Variants in MTBP observed in about 807,000 individuals in gnomAD.
The protein encoded by MTBP is mdm2-binding protein.
A neutral mutation model predicts 117.0 loss-of-function variants in MTBP; 101 were observed. The observed-to-expected ratio is 0.86, with a 90% CI of 0.73 to 1.02. The LOEUF is 1.02. MTBP is among the 50% of genes least tolerant of loss of function. The pLI is 0.00. For synonymous variants in MTBP, 350 were observed against 351.5 expected (o/e 1.00, Z 0.05); for missense variants, 970 against 1,030.9 (o/e 0.94, Z 0.81).
rs370593360 is a variant in MTBP, at chr8:120,461,190, A to C, written c.912A>C (p.Glu304Asp). 1 of 1,603,150 alleles carries C rather than the reference A, an allele frequency of 6.2e-7. No individual in the cohort carries two copies. Among genetic ancestry groups the C allele is most frequent in the Non-Finnish European group, 8.5e-7 (1 of 1,171,400 alleles). The stretch of plus-strand genomic sequence containing the variant: ...TCCATTATTATGGCCCTGCTTTAGA[A>C]TTTGTGCAGATGATAAAATTATCAG... ...KVFHYYGPALEFVQMIKLSDL... is the reference protein window; with the variant it reads ...KVFHYYGPALDFVQMIKLSDL... The change falls in exon 9 of 22, where the codon GAA becomes GAC. Residue 304 changes from glutamate to aspartate, a missense_variant. Transcript: ENST00000305949.
chr8:120,463,163 TAAA>T, intron 9 of MTBP, among the ~76,000 whole-genome samples: 1 of 152,244 alleles, frequency 6.6e-6, no homozygotes, highest in Non-Finnish European at 1.5e-5. Context: ...TTTATAAACT[TAAA>T]AAATGTTTAA....
rs1222551499 is a variant in MTBP, at chr8:120,506,793, A to T, written c.1815A>T (p.Glu605Asp). ...RDSITLLDAK[E>D]LLKYFTSDGL... ...CAATCACATTGTTGGATGCTAAAGA[A>T]TTGCTGAAGTACTTTACCTCAGATG... The change falls in exon 16 of 22, where the codon GAA becomes GAT. Residue 605 changes from glutamate to aspartate, a missense_variant. Glu to Asp is a conservative substitution (Grantham distance 45, BLOSUM62 2). Transcript: ENST00000305949. 1 of 1,613,638 alleles carries T rather than the reference A, an allele frequency of 6.2e-7. No individual in the cohort carries two copies. Among genetic ancestry groups the T allele is most frequent in the African/African-American group, 1.3e-5 (1 of 75,032 alleles).
intron 7 of MTBP, among the ~76,000 whole-genome samples, chr8:120,457,463 T>G (rs1813492864): frequency 6.6e-6 from 1 of 152,198 alleles, no homozygotes; most frequent in Non-Finnish European, 1.5e-5. Context: ...GAAATTTTTC[T>G]TCCTTTTTAA....
chr8:120,496,012 A>C (rs1349973566), intron 13 of MTBP, among the ~76,000 whole-genome samples: 1 of 152,180 alleles, frequency 6.6e-6, no homozygotes, highest in African/African-American at 2.4e-5. Flanking sequence ...AAATATACAG[A>C]TGGAGAGAAA....
intron 14 of MTBP, among the ~76,000 whole-genome samples, chr8:120,500,792 C>T (rs1471181793): frequency 2.0e-5 from 3 of 151,904 alleles, no homozygotes; most frequent in Admixed American, 6.6e-5. Context: ...CGTGGTGGCT[C>T]ACGCCTATAA....
At chr8:120,479,370 A>G (rs1814022205) in intron 11 of MTBP, among the ~76,000 whole-genome samples, 3 of 152,344 alleles carry the variant, frequency 2.0e-5, no homozygotes, top group African/African-American at 7.2e-5. Flanking sequence ...AAGGACTGAT[A>G]GGATTTTGAA....
At chr8:120,517,160 G>T (rs1351681398) in intron 18 of MTBP, among the ~76,000 whole-genome samples, 1 of 151,948 alleles carries the variant, frequency 6.6e-6, no homozygotes, top group Middle Eastern at 3.2e-3. Flanking sequence ...TTTGGGCCTT[G>T]TCAGGAACAA....
At chr8:120,469,635 C>T (rs1273733617) in intron 10 of MTBP, among the ~76,000 whole-genome samples, 1 of 152,106 alleles carries the variant, frequency 6.6e-6, no homozygotes, top group Non-Finnish European at 1.5e-5. Context: ...ATTTTGAACT[C>T]GAATAAGAAA....
intron 6 of MTBP, 43 bp from the exon 7 acceptor site, chr8:120,456,510 A>C: frequency 8.3e-7 from 1 of 1,208,358 alleles, no homozygotes; most frequent in Non-Finnish European, 1.2e-6. Flanking sequence ...AATCAGTGAA[A>C]TATAAAACCC....
intron 13 of MTBP, among the ~76,000 whole-genome samples, chr8:120,492,975 A>G (rs1028501311): frequency 6.6e-6 from 1 of 152,220 alleles, no homozygotes; most frequent in African/African-American, 2.4e-5. Flanking sequence ...CAATTTTTAA[A>G]TAAAAGACTG....
chr8:120,516,441 C>T (rs919662313), intron 18 of MTBP, among the ~76,000 whole-genome samples: 6 of 151,964 alleles, frequency 3.9e-5, no homozygotes, highest in Admixed American at 3.9e-4. Flanking sequence ...AGCCATGGAA[C>T]AGTGGAGATT....
chr8:120,503,336 A>G (rs1276683293), intron 15 of MTBP, among the ~76,000 whole-genome samples: 1 of 152,330 alleles, frequency 6.6e-6, no homozygotes, highest in South Asian at 2.1e-4. Context: ...CTTAGCTTTT[A>G]ATGACAGCAG....
At chr8:120,513,940 T>G (rs1328219573) in intron 17 of MTBP, among the ~76,000 whole-genome samples, 1 of 151,878 alleles carries the variant, frequency 6.6e-6, no homozygotes, top group African/African-American at 2.4e-5. Flanking sequence ...AAGACCTAGG[T>G]TCTACTCCCT....
chr8:120,505,596 A>G (rs1195035004), intron 15 of MTBP, among the ~76,000 whole-genome samples: 9 of 152,230 alleles, frequency 5.9e-5, no homozygotes, highest in Admixed American at 5.9e-4. Context: ...CAACATTTTA[A>G]TCATGTAATT....
chr8:120,509,935 G>GAA lies in MTBP; in HGVS notation c.1888_1889dup (p.Thr631ArgfsTer5). 6.2e-7 allele frequency: 1 copy of GAA among 1,604,802 alleles called. No homozygotes were observed. The highest frequency in any genetic ancestry group is 8.5e-7 in the Non-Finnish European group (1 of 1,176,250). Reference sequence around the variant, plus strand: ...CAAATGAAAAATTTTTTGTTTCAGGGAAAAGACTTTTGTTTTGACACCAGA... The same window carrying GAA: ...CAAATGAAAAATTTTTTGTTTCAGGGAAAAAAGACTTTTGTTTTGACACCAGA... On this transcript the variant is annotated frameshift_variant and splice_region_variant, in exon 17 of 22. Coordinates refer to ENST00000305949, the MANE Select transcript of MTBP (RefSeq NM_022045.5). LOFTEE classifies it high-confidence loss of function.
chr8:120,501,432 C>T (rs1586965684), intron 14 of MTBP, among the ~76,000 whole-genome samples: 1 of 150,320 alleles, frequency 6.7e-6, no homozygotes. Flanking sequence ...ACCTGTAATC[C>T]CAGCTACTTG....
intron 14 of MTBP, among the ~76,000 whole-genome samples, chr8:120,499,958 T>A (rs1467728308): frequency 1.3e-5 from 2 of 152,210 alleles, no homozygotes; most frequent in Non-Finnish European, 2.9e-5. Flanking sequence ...TTAAAAAGGA[T>A]CTTCTGGCAT....
chr8:120,460,399 T>A (rs1031338587), intron 8 of MTBP, among the ~76,000 whole-genome samples: 1 of 152,154 alleles, frequency 6.6e-6, no homozygotes, highest in Non-Finnish European at 1.5e-5. Context: ...ACACATATGT[T>A]TATGATTATA....
Position 120,497,542 on chromosome 8 carries a change from A to C in MTBP, c.1597A>C (p.Asn533His). ...LRKMDKIKTF[N>H]ILNDFSPVEP... ...AAAGATGGACAAAATTAAAACCTTCAATATATTAAATGGTAAGTTTTTTAT... is the reference window on the plus strand; with the variant it reads ...AAAGATGGACAAAATTAAAACCTTCCATATATTAAATGGTAAGTTTTTTAT... Residue 533 changes from asparagine (N) to histidine (H), a missense_variant, in exon 14 of 22, where the codon AAT becomes CAT. Asn to His is a moderately conservative substitution (Grantham distance 68). Coordinates refer to ENST00000305949, the MANE Select transcript of MTBP (RefSeq NM_022045.5). The C allele has an allele frequency of 1.3e-6, 2 of 1,494,720 alleles. No individual in the cohort carries two copies. The highest frequency in any genetic ancestry group is 1.8e-6 in the Non-Finnish European group (2 of 1,094,820). 92.6% of individuals were successfully genotyped at this position (1,494,720 alleles called of 1,614,324 possible).
Sources: allele counts gnomAD v4.1 joint callset (sites outside exome capture counted in the v4.1 genomes callset), GRCh38; gene constraint gnomAD v4.1.1; transcripts MANE v1.5; gene names NCBI Gene and HGNC (gene_info 2026-07-23, HGNC 2026-07-21).